The following MARCHF3 variants were observed in gnomAD, a reference collection of about 807,000 sequenced individuals.
The protein encoded by MARCHF3 is E3 ubiquitin-protein ligase MARCHF3.
In MARCHF3, 13 loss-of-function variants were observed where a neutral mutation model predicts 24.2. The ratio of observed to expected loss-of-function variants is 0.54; its 90% CI spans 0.35 to 0.85. The LOEUF (loss-of-function observed/expected upper bound fraction) is 0.85. MARCHF3 is among the 40% of genes least tolerant of loss of function. The pLI, the probability that MARCHF3 is intolerant of heterozygous loss-of-function variation, is 0.01. For synonymous variants in MARCHF3, 144 were observed against 137.3 expected, an observed-to-expected ratio of 1.05 and a Z score of -0.34; for missense variants, 276 against 325.0, an observed-to-expected ratio of 0.85 and a Z score of 1.16.
rs1752851599 is a variant in MARCHF3 at position 126,868,779 on chromosome 5, T to A, written c.*1854A>T. ...ATTAAGTATATTACAGGGCTGCAAT[T>A]CACCAGCTACCAAGTTGGACTCTTT... is the stretch of plus-strand genomic sequence containing the variant. On this transcript the variant is annotated 3_prime_UTR_variant, in exon 5 of 5. Coordinates refer to ENST00000308660, the MANE Select transcript of MARCHF3 (RefSeq NM_178450.5). 6.6e-6 allele frequency: 1 copy of A among 152,216 alleles called. No homozygotes were observed. Among genetic ancestry groups the A allele is most frequent in the South Asian group, 2.1e-4 (1 of 4,832 alleles). The allele number at this position is 152,216 out of a possible 1,614,324, so 9.4% of individuals were successfully genotyped here.
intron 1 of MARCHF3, among the ~76,000 whole-genome samples, chr5:126,935,586 C>A (rs1051159266): frequency 7.1e-6 from 1 of 141,314 alleles, no homozygotes; most frequent in African/African-American, 2.6e-5. Flanking sequence ...CTAAAAAGTA[C>A]GAATGTATAT....
chr5:126,909,477 G>A (rs940924917), intron 3 of MARCHF3, among the ~76,000 whole-genome samples: 9 of 152,218 alleles, frequency 5.9e-5, no homozygotes, highest in Non-Finnish European at 1.0e-4. Context: ...GCGACACTCC[G>A]TGGGCGTAGG....
In MARCHF3 at chr5:126,902,887, G is replaced by C. The variant is rs566492991; in HGVS notation, c.393+12043C>G. The stretch of plus-strand genomic sequence containing the variant: ...AAGTATGGTTCCACGAGTCCACGTG[G>C]AGGCAGGTGGCCTGAGGGATGGTCT... On this transcript the variant is annotated intron_variant, in intron 3 of 4. Transcript: ENST00000308660. 1.4e-3 allele frequency among the ~76,000 whole-genome samples: 220 copies of C among 152,228 alleles called. 2 individuals are homozygous for C. Among genetic ancestry groups the C allele is most frequent in the Non-Finnish European group, 2.6e-3 (174 of 68,020 alleles).
At chr5:126,957,515 TGC>T (rs1221623126) in intron 1 of MARCHF3, among the ~76,000 whole-genome samples, 2 of 152,184 alleles carry the variant, frequency 1.3e-5, no homozygotes, top group African/African-American at 4.8e-5. Context: ...TTTGGTGTAT[TGC>T]ATGATGTTAA....
At chr5:126,920,906 T>C (rs187409092) in intron 1 of MARCHF3, among the ~76,000 whole-genome samples, 9 of 152,176 alleles carry the variant, frequency 5.9e-5, no homozygotes, top group Admixed American at 5.9e-4. Context: ...GGGATATTAT[T>C]TGCCACCTGA....
intron 1 of MARCHF3, among the ~76,000 whole-genome samples, chr5:126,956,091 T>C (rs1454311001): frequency 2.0e-5 from 3 of 152,222 alleles, no homozygotes; most frequent in Non-Finnish European, 4.4e-5. Context: ...AATTCCCACA[T>C]ACATTTTGGA....
chr5:127,030,072 A>G (rs1048598645), intron 1 of MARCHF3: 1 of 152,162 alleles, frequency 6.6e-6, no homozygotes, highest in Non-Finnish European at 1.5e-5. Context: ...TCGTTGCCGC[A>G]GAGGGGCAGG....
In MARCHF3 at chr5:126,953,705, T is replaced by C. The variant is rs539773189; in HGVS notation, c.-56-35478A>G. 3.6e-4 allele frequency among the ~76,000 whole-genome samples: 55 copies of C among 152,328 alleles called. 1 individual carries two copies. The highest frequency in any genetic ancestry group is 1.3e-3 in the African/African-American group (55 of 41,582). ...CATCTTTATCTTTTGTGTTCAAAAT[T>C]TCATAAGGAGTTGCCTTTTAATCTG... On this transcript the variant is annotated intron_variant, in intron 1 of 4. Transcript: ENST00000308660.
chr5:126,931,740 A>T (rs2126804095), intron 1 of MARCHF3, among the ~76,000 whole-genome samples: 1 of 152,290 alleles, frequency 6.6e-6, no homozygotes, highest in African/African-American at 2.4e-5. Context: ...AGGATAACAG[A>T]AGGAAAATAG....
At chr5:127,003,205 C>T (rs1193311006) in intron 1 of MARCHF3, among the ~76,000 whole-genome samples, 1 of 151,666 alleles carries the variant, frequency 6.6e-6, no homozygotes, top group Admixed American at 6.6e-5. Flanking sequence ...TTTGGCCGGG[C>T]GCGGTGGCTC....
intron 1 of MARCHF3, among the ~76,000 whole-genome samples, chr5:127,025,612 A>G (rs1752968765): frequency 6.6e-6 from 1 of 151,924 alleles, no homozygotes; most frequent in Non-Finnish European, 1.5e-5. Flanking sequence ...CTTCAGTTAT[A>G]TTTTTCAGCT....
At chr5:126,901,475 C>T (rs985104927) in intron 3 of MARCHF3, among the ~76,000 whole-genome samples, 2 of 152,098 alleles carry the variant, frequency 1.3e-5, no homozygotes, top group African/African-American at 4.8e-5. Flanking sequence ...AAACAACCAC[C>T]GATCTCCCTG....
At chr5:126,873,594 G>A (rs182812446) in intron 4 of MARCHF3, among the ~76,000 whole-genome samples, 3 of 152,262 alleles carry the variant, frequency 2.0e-5, no homozygotes, top group Admixed American at 6.5e-5. Context: ...CAGGTGATCC[G>A]CATGTGCATT....
At chr5:127,021,405 A>T (rs898517243) in intron 1 of MARCHF3, among the ~76,000 whole-genome samples, 5 of 152,256 alleles carry the variant, frequency 3.3e-5, no homozygotes, top group African/African-American at 1.2e-4. Flanking sequence ...TTAGAATTAT[A>T]AATTTTGCAT....
intron 1 of MARCHF3, among the ~76,000 whole-genome samples, chr5:126,952,999 CAA>C (rs951346133): frequency 6.6e-6 from 1 of 152,164 alleles, no homozygotes; most frequent in Non-Finnish European, 1.5e-5. Flanking sequence ...GAAGGAGATG[CAA>C]AGTCTCTTAA....
intron 1 of MARCHF3, among the ~76,000 whole-genome samples, chr5:127,000,714 T>A (rs933789366): frequency 1.3e-5 from 2 of 152,138 alleles, no homozygotes; most frequent in African/African-American, 4.8e-5. Flanking sequence ...TTATTTATTT[T>A]TTGAGACAGA....
At chr5:127,024,412 T>A (rs76614340) in intron 1 of MARCHF3, among the ~76,000 whole-genome samples, 3,096 of 152,288 alleles carry the variant, frequency 0.02, 73 homozygotes, top group South Asian at 0.11. Flanking sequence ...ATGAAAAGTG[T>A]GGTCCCTTGC....
At chr5:126,922,973 G>A (rs1008037158) in intron 1 of MARCHF3, among the ~76,000 whole-genome samples, 3 of 152,172 alleles carry the variant, frequency 2.0e-5, no homozygotes, top group African/African-American at 7.2e-5. Flanking sequence ...AACAGAGGGA[G>A]CCTCATCCTT....
chr5:126,904,833 T>C (rs1296138121), intron 3 of MARCHF3, among the ~76,000 whole-genome samples: 1 of 150,818 alleles, frequency 6.6e-6, no homozygotes, highest in Non-Finnish European at 1.5e-5. Context: ...ATCCCATTTG[T>C]CAATTTTGGC....
Sources: allele counts gnomAD v4.1 joint callset (sites outside exome capture counted in the v4.1 genomes callset), GRCh38; gene constraint gnomAD v4.1.1; transcripts MANE v1.5; gene names NCBI Gene and HGNC (gene_info 2026-07-23, HGNC 2026-07-21).